Variants in TEPSIN observed in about 807,000 individuals in gnomAD.
TEPSIN encodes TEPSIN adaptor related protein complex 4 accessory protein.
In TEPSIN, 50 loss-of-function variants were observed where a neutral mutation model predicts 48.5. That is an observed-to-expected ratio of 1.03 (90% CI 0.82 to 1.31). The LOEUF (loss-of-function observed/expected upper bound fraction) is 1.31, where lower values mean the gene tolerates loss of function less well. Among genes scored for constraint, TEPSIN ranks in the 50% most tolerant of loss-of-function variants. TEPSIN has a pLI of 0.00. For missense variants in TEPSIN, 838 were observed against 815.9 expected, an observed-to-expected ratio of 1.03 and a Z score of -0.33; for synonymous variants, 392 against 358.8, an observed-to-expected ratio of 1.09 and a Z score of -1.05.
Position 81,232,487 on chromosome 17 carries a change from G to T in TEPSIN, c.558C>A (p.Ile186=). Reference sequence around the variant, plus strand: ...TGGCCACCACCTCTGCGGCCTTCTGGATGGTGGAGAGGAAGGCTTCGCCTG... The same window carrying T: ...TGGCCACCACCTCTGCGGCCTTCTGTATGGTGGAGAGGAAGGCTTCGCCTG... ...GSAGEAFLST[I]QKAAEVVASA... The change falls in exon 8 of 13, where the codon ATC becomes ATA. Residue 186 remains isoleucine (I), a synonymous_variant. Transcript: ENST00000637944. 1 of 1,534,178 alleles carries T rather than the reference G, an allele frequency of 6.5e-7. No individual in the cohort carries two copies. The highest frequency in any genetic ancestry group is 8.7e-7 in the Non-Finnish European group (1 of 1,146,006).
chr17:81,235,604 C>G (rs2062706164), intron 4 of TEPSIN, among the ~76,000 whole-genome samples: 2 of 152,210 alleles, frequency 1.3e-5, no homozygotes, highest in South Asian at 4.1e-4. Context: ...GCTGCAGCCC[C>G]CACCCCAGGG....
At chr17:81,231,151 A>G (rs1721909613) in intron 11 of TEPSIN, 4 of 577,998 alleles carry the variant, frequency 6.9e-6, no homozygotes, top group Admixed American at 6.8e-5. Flanking sequence ...AGATGTGTGC[A>G]TACCACACAC....
chr17:81,228,342 G>A lies in TEPSIN; in HGVS notation c.*586C>T, dbSNP rs986084163. 5 of 154,850 alleles carry A rather than the reference G, an allele frequency of 3.2e-5. No homozygotes were observed. The highest frequency in any genetic ancestry group is 7.1e-5 in the Non-Finnish European group (5 of 70,034). 9.6% of individuals were successfully genotyped at this position (154,850 alleles called of 1,614,324 possible). ...CAGCGCTCTTGGAAGGTTTTTCTGA[G>A]ATGGACCAGAGGCTCCAATCAGAGG... On this transcript the variant is annotated 3_prime_UTR_variant, in exon 13 of 13. Transcript: ENST00000637944.
At position 81,232,022 on chromosome 17, in the gene TEPSIN, C is replaced by T; in HGVS notation, c.731-1G>A. The T allele has an allele frequency of 1.2e-6, 2 of 1,606,840 alleles. No homozygotes were observed. ...GCCTGCCCAGGCTGATGCCTCACAG[C>T]TGGAGGAAACAGGACAGCCGGTGAG... On this transcript the variant is annotated splice_acceptor_variant, in intron 8 of 12. Coordinates refer to ENST00000637944, the MANE Select transcript of TEPSIN (RefSeq NM_001363764.2). LOFTEE classifies it high-confidence loss of function.
intron 8 of TEPSIN, 40 bp from the exon 9 acceptor site, chr17:81,232,061 C>T (rs2146832494): frequency 6.3e-7 from 1 of 1,585,772 alleles, no homozygotes; most frequent in Non-Finnish European, 8.6e-7. Context: ...CCTGGGGCTT[C>T]AGGCCAGCCC....
chr17:81,237,038 C>G lies in TEPSIN; in HGVS notation c.155G>C (p.Cys52Ser). 1 of 1,598,110 alleles carries G rather than the reference C, an allele frequency of 6.3e-7. No homozygotes were observed. The highest frequency in any genetic ancestry group is 8.5e-7 in the Non-Finnish European group (1 of 1,172,848). ...ISHESPGSSQ[C>S]LLEYLLSRLH... ...GCGGCTCAGGAGGTACTCCAGCAGG[C>G]ACTGGCTGCTGCCCGGAGACTCGTG... The change falls in exon 3 of 13, where the codon TGC becomes TCC. Residue 52 changes from cysteine to serine, a missense_variant. Physicochemically the swap from Cys to Ser is moderately radical, Grantham distance 112. Transcript: ENST00000637944.
intron 4 of TEPSIN, 111 bp downstream of exon 4, chr17:81,236,597 C>A: frequency 1.8e-6 from 2 of 1,138,932 alleles, no homozygotes; most frequent in Non-Finnish European, 2.5e-6. Flanking sequence ...CGGGACCCGG[C>A]CCAGGTGAGG....
rs565829754 is a variant in TEPSIN, at chr17:81,232,991, T to TGGGCTGG, written c.526+434_526+440dup. The stretch of plus-strand genomic sequence containing the variant: ...CCAGGGCCCGGCAGCAGGGCACAGC[T>TGGGCTGG]GGGCTGGGGGCTGGGTCCCAGCCGC... On this transcript the variant is annotated intron_variant, in intron 7 of 12. Transcript: ENST00000637944. The TGGGCTGG allele has an allele frequency of 7.9e-3, 1,913 of 241,122 alleles. 45 individuals are homozygous for TGGGCTGG. Among genetic ancestry groups the TGGGCTGG allele is most frequent in the African/African-American group, 0.042 (1,818 of 43,566 alleles). The allele number at this position is 241,122 out of a possible 1,614,324, so 14.9% of individuals were successfully genotyped here. A position where few individuals can be genotyped will look rare whatever the true frequency, so the allele number is the denominator to read the frequency against.
rs2062514429 is a variant in TEPSIN at position 81,228,613 on chromosome 17, T to C, written c.*315A>G. 2 of 420,778 alleles carry C rather than the reference T, an allele frequency of 4.8e-6. No individual in the cohort carries two copies. The highest frequency in any genetic ancestry group is 2.7e-5 in the South Asian group (1 of 36,866). The allele number at this position is 420,778 out of a possible 1,614,324, so 26.1% of individuals were successfully genotyped here. On this transcript the variant is annotated 3_prime_UTR_variant, in exon 13 of 13. Coordinates refer to ENST00000637944, the MANE Select transcript of TEPSIN (RefSeq NM_001363764.2). ...GGAGGGAGCTGAGATCAAAATGAAA[T>C]AAGGAACCTGGTAGTCGCTTCCGCA...
At chr17:81,232,913 G>C (rs1343651828) in intron 7 of TEPSIN, 2 of 237,492 alleles carry the variant, frequency 8.4e-6, no homozygotes, top group Non-Finnish European at 1.6e-5. Flanking sequence ...AGGAGCCCCA[G>C]GCTGTGCGCA....
In TEPSIN at chr17:81,231,579, C is replaced by A. The variant is rs773060538; in HGVS notation, c.1018G>T (p.Ala340Ser). 1.9e-6 allele frequency: 3 copies of A among 1,611,624 alleles called. No individual in the cohort carries two copies. The Admixed American group carries it at 5.0e-5, about 27-fold the overall frequency. The change falls in exon 10 of 13, where the codon GCG becomes TCG. Residue 340 changes from alanine (A) to serine (S), a missense_variant and splice_region_variant. Physicochemically the swap from Ala to Ser is moderately conservative, Grantham distance 99. Transcript: ENST00000637944. ...SREEAQHFIK[A>S]CGLLNCEAVL... ...CAGGGCGGGTCCGGGCGCACTCACG[C>A]TTTGATGAAGTGCTGTGCCTCCTCG...
rs866170340 is a variant in TEPSIN at position 81,233,177 on chromosome 17, C to T, written c.526+255G>A. The T allele has an allele frequency of 8.7e-5, 49 of 564,522 alleles. No homozygotes were observed. Among genetic ancestry groups the T allele is most frequent in the Middle Eastern group, 9.2e-4 (2 of 2,174 alleles). The allele number at this position is 564,522 out of a possible 1,614,324, so 35.0% of individuals were successfully genotyped here. On this transcript the variant is annotated intron_variant, in intron 7 of 12. Coordinates refer to ENST00000637944, the MANE Select transcript of TEPSIN (RefSeq NM_001363764.2). This position sits in a 1 kb window ranked among gnomAD's most constrained non-coding sequence, Gnocchi z 5.8. Reference sequence around the variant, plus strand: ...CTCAGAGTGGGACTCACCCCTGCCACGGGGCCCAGCCCTGACTTCTTGCTC... The same window carrying T: ...CTCAGAGTGGGACTCACCCCTGCCATGGGGCCCAGCCCTGACTTCTTGCTC...
chr17:81,235,863 C>T (rs907165668), intron 4 of TEPSIN, among the ~76,000 whole-genome samples: 5 of 152,206 alleles, frequency 3.3e-5, no homozygotes, highest in East Asian at 1.9e-4. Context: ...CTGGCCCCTG[C>T]GGAACACCTA....
chr17:81,238,509 C>T (rs1000688124), intron 1 of TEPSIN: 14 of 659,818 alleles, frequency 2.1e-5, no homozygotes, highest in South Asian at 6.6e-5. Flanking sequence ...CTAAGAGGGG[C>T]TTACAATGGT....
chr17:81,236,586 T>A, intron 4 of TEPSIN, 122 bp downstream of exon 4: 1 of 1,022,076 alleles, frequency 9.8e-7, no homozygotes. Flanking sequence ...GGGGCTTTGA[T>A]CGGGACCCGG....
At position 81,230,153 on chromosome 17, in the gene TEPSIN, T is replaced by G; in HGVS notation, c.1233+391A>C. ...AGTGCACAGAGATGAATGGAACCAT[T>G]TCTGCCCTCCGGAGCTTGGGAGTTG... On this transcript the variant is annotated intron_variant, in intron 12 of 12. Coordinates refer to ENST00000637944, the MANE Select transcript of TEPSIN (RefSeq NM_001363764.2). The surrounding 1 kb of genome is among the most constrained non-coding windows in gnomAD (Gnocchi z 4.2). 1 of 213,988 alleles carries G rather than the reference T, an allele frequency of 4.7e-6. No individual in the cohort carries two copies. The highest frequency in any genetic ancestry group is 9.4e-6 in the Non-Finnish European group (1 of 106,340). The allele number at this position is 213,988 out of a possible 1,614,324, so 13.3% of individuals were successfully genotyped here.
At chr17:81,238,823 G>C (rs1376899478) in intron 1 of TEPSIN, 163 bp downstream of exon 1, 30 of 1,330,990 alleles carry the variant, frequency 2.3e-5, no homozygotes, top group Non-Finnish European at 2.8e-5. Flanking sequence ...GGGACGGCGC[G>C]GCGGGCGGGC....
At position 81,236,815 on chromosome 17, in the gene TEPSIN, C is replaced by T. The variant is rs373640727; in HGVS notation, c.214-14G>A. ...GATCTTCAGCACCTGGGGAGTGGGG[C>T]GGTCAGCAGTGCTGGGCAGGCCGGA... is the stretch of plus-strand genomic sequence containing the variant. On this transcript the variant is annotated splice_polypyrimidine_tract_variant and intron_variant, in intron 3 of 12. Transcript: ENST00000637944. 40 of 1,557,138 alleles carry T rather than the reference C, an allele frequency of 2.6e-5. No homozygotes were observed. Among genetic ancestry groups the T allele is most frequent in the African/African-American group, 2.0e-4 (15 of 73,300 alleles).
In TEPSIN at chr17:81,237,828, C is replaced by T. The variant is rs1198570975; in HGVS notation, c.49-369G>A. On this transcript the variant is annotated intron_variant, in intron 1 of 12. Transcript: ENST00000637944. The stretch of plus-strand genomic sequence containing the variant: ...CTAGCAAAGCCAAACAAGGCCCAGG[C>T]AAGCCCCTTTTCCACACAGGGGACT... 7.3e-6 allele frequency: 3 copies of T among 408,284 alleles called. No homozygotes were observed. The East Asian group carries it at 3.3e-4, about 45-fold the overall frequency. The allele number at this position is 408,284 out of a possible 1,614,324, so 25.3% of individuals were successfully genotyped here.
Sources: allele counts gnomAD v4.1 joint callset (sites outside exome capture counted in the v4.1 genomes callset), GRCh38; gene constraint gnomAD v4.1.1; non-coding constraint Gnocchi (gnomAD v3.1); transcripts MANE v1.5; gene names NCBI Gene and HGNC (gene_info 2026-07-23, HGNC 2026-07-21).